Variants in RIC8B observed in about 807,000 individuals in gnomAD.
The protein encoded by RIC8B is chaperone Ric-8B.
Under a neutral mutation model 57.5 loss-of-function variants are expected in RIC8B, and 16 were observed. The ratio of observed to expected loss-of-function variants is 0.28; its 90% CI spans 0.19 to 0.42. The LOEUF (loss-of-function observed/expected upper bound fraction) is 0.42, where lower values mean the gene tolerates loss of function less well. RIC8B is among the 10% of genes least tolerant of loss of function. RIC8B has a pLI of 1.00. For missense variants in RIC8B, 481 were observed against 677.0 expected (o/e 0.71, Z 3.21); for synonymous variants, 216 against 250.8 (o/e 0.86, Z 1.31).
Position 106,886,640 on chromosome 12 carries a change from TAAAG to T in RIC8B, c.*627_*630del, listed in dbSNP as rs1486917788. On this transcript the variant is annotated 3_prime_UTR_variant, in exon 10 of 10. Coordinates refer to ENST00000392837, the MANE Select transcript of RIC8B (RefSeq NM_001330145.2). Reference sequence around the variant, plus strand: ...AAACTTCAGAATACATTTCTCCCTATAAAGAGTTATAAATGATGGTTTAGTTCTC... The same window carrying T: ...AAACTTCAGAATACATTTCTCCCTATAGTTATAAATGATGGTTTAGTTCTC... 6.6e-6 allele frequency: 1 copy of T among 152,662 alleles called. No individual in the cohort carries two copies. The highest frequency in any genetic ancestry group is 1.5e-5 in the Non-Finnish European group (1 of 68,068). The allele number at this position is 152,662 out of a possible 1,614,324, so 9.5% of individuals were successfully genotyped here.
intron 9 of RIC8B, among the ~76,000 whole-genome samples, chr12:106,872,610 G>A (rs1210231223): frequency 6.7e-6 from 1 of 149,314 alleles, no homozygotes; most frequent in Non-Finnish European, 1.5e-5. Context: ...GGAGGTTGCG[G>A]TGAACCAAGG....
intron 1 of RIC8B, among the ~76,000 whole-genome samples, chr12:106,783,118 A>G (rs549131899): frequency 1.3e-5 from 2 of 152,304 alleles, no homozygotes; most frequent in South Asian, 4.1e-4. Context: ...AGTATTGCCA[A>G]TCATTGCAGA....
At chr12:106,866,199 T>C (rs1950135875) in intron 8 of RIC8B, among the ~76,000 whole-genome samples, 1 of 152,200 alleles carries the variant, frequency 6.6e-6, no homozygotes, top group Admixed American at 6.5e-5. Context: ...GGTCTGTTTT[T>C]GTTCATGTAG....
chr12:106,858,341 C>T lies in RIC8B; in HGVS notation c.1307-1927C>T, dbSNP rs115090576. On this transcript the variant is annotated intron_variant, in intron 7 of 9. Coordinates refer to ENST00000392837, the MANE Select transcript of RIC8B (RefSeq NM_001330145.2). The stretch of plus-strand genomic sequence containing the variant: ...TTAAAAATAAGCTTTATCAGTAATG[C>T]TTACAATGATAGCATCACCTACTAT... Among the ~76,000 whole-genome samples, 1,268 of 152,172 alleles carry T rather than the reference C, an allele frequency of 8.3e-3. 19 individuals carry two copies. Among genetic ancestry groups the T allele is most frequent in the African/African-American group, 0.029 (1,197 of 41,512 alleles).
chr12:106,831,955 C>A (rs1225135590), intron 4 of RIC8B, among the ~76,000 whole-genome samples: 1 of 152,170 alleles, frequency 6.6e-6, no homozygotes, highest in Non-Finnish European at 1.5e-5. Flanking sequence ...ATCTGCATGA[C>A]TTTGTATTCA....
rs913283889 is a variant in RIC8B, at chr12:106,888,157, A to G, written c.*2142A>G. Reference sequence around the variant, plus strand: ...GATGTGTTTAATGAAATGCCATCTTACCAGCTTTCTTTATGCAGAGTAAGT... The same window carrying G: ...GATGTGTTTAATGAAATGCCATCTTGCCAGCTTTCTTTATGCAGAGTAAGT... On this transcript the variant is annotated 3_prime_UTR_variant, in exon 10 of 10. Coordinates refer to ENST00000392837, the MANE Select transcript of RIC8B (RefSeq NM_001330145.2). 1 of 152,430 alleles carries G rather than the reference A, an allele frequency of 6.6e-6. No individual in the cohort carries two copies. The highest frequency in any genetic ancestry group is 1.5e-5 in the Non-Finnish European group (1 of 68,034). The allele number at this position is 152,430 out of a possible 1,614,324, so 9.4% of individuals were successfully genotyped here. A position where few individuals can be genotyped will look rare whatever the true frequency, so the allele number is the denominator to read the frequency against.
At chr12:106,863,640 T>C (rs1424793219) in intron 8 of RIC8B, among the ~76,000 whole-genome samples, 1 of 152,122 alleles carries the variant, frequency 6.6e-6, no homozygotes, top group Admixed American at 6.6e-5. Flanking sequence ...GCTGTGATGA[T>C]GTATTTATGT....
Position 106,774,711 on chromosome 12 carries a change from C to T in RIC8B, c.-35C>T, listed in dbSNP as rs1467228659. The T allele has an allele frequency of 1.6e-5, 25 of 1,519,094 alleles. No individual in the cohort carries two copies. The highest frequency in any genetic ancestry group is 2.0e-5 in the Non-Finnish European group (23 of 1,126,448). 94.1% of individuals were successfully genotyped at this position (1,519,094 alleles called of 1,614,324 possible). A position where few individuals can be genotyped will look rare whatever the true frequency, so the allele number is the denominator to read the frequency against. ...TTACCTGGAGGCAGCGGCTTGGGCG[C>T]GCAGAGCGGCCGCGGCTCCCCCGCA... On this transcript the variant is annotated 5_prime_UTR_variant, in exon 1 of 10. Coordinates refer to ENST00000392837, the MANE Select transcript of RIC8B (RefSeq NM_001330145.2).
chr12:106,793,019 G>A (rs749676529), intron 2 of RIC8B, among the ~76,000 whole-genome samples: 2 of 152,154 alleles, frequency 1.3e-5, no homozygotes, highest in African/African-American at 2.4e-5. Flanking sequence ...ACCTGTTGCT[G>A]AAACTAAATT....
intron 9 of RIC8B, among the ~76,000 whole-genome samples, chr12:106,883,118 G>A (rs1374086259): frequency 6.6e-6 from 1 of 152,018 alleles, no homozygotes; most frequent in Admixed American, 6.6e-5. Flanking sequence ...TTTAGTCTCA[G>A]GAGTGATGGT....
chr12:106,825,472 G>A (rs912827686), intron 3 of RIC8B, among the ~76,000 whole-genome samples: 1 of 152,180 alleles, frequency 6.6e-6, no homozygotes, highest in Non-Finnish European at 1.5e-5. Flanking sequence ...ATGAAAAAAA[G>A]TCTCTAGCGG....
At chr12:106,787,263 A>G (rs1240396072) in intron 2 of RIC8B, among the ~76,000 whole-genome samples, 1 of 152,184 alleles carries the variant, frequency 6.6e-6, no homozygotes, top group Non-Finnish European at 1.5e-5. Flanking sequence ...GGAAAACATC[A>G]ACAAACAAAT....
In RIC8B at chr12:106,879,799, C is replaced by G. The variant is rs181826219; in HGVS notation, c.1572-6105C>G. On this transcript the variant is annotated intron_variant, in intron 9 of 9. Coordinates refer to ENST00000392837, the MANE Select transcript of RIC8B (RefSeq NM_001330145.2). This position sits in a 1 kb window ranked among gnomAD's most constrained non-coding sequence, Gnocchi z 4.9. ...GTTGAACATTCTTGGAGGCTTATCT[C>G]TTCCCTGGCCAGATGCCTGATCAGA... The G allele has an allele frequency of 1.0e-6, 1 of 985,272 alleles. No individual in the cohort carries two copies. The highest frequency in any genetic ancestry group is 1.2e-6 in the Non-Finnish European group (1 of 829,926). 61.0% of individuals were successfully genotyped at this position (985,272 alleles called of 1,614,324 possible). A position where few individuals can be genotyped will look rare whatever the true frequency, so the allele number is the denominator to read the frequency against.
At chr12:106,868,505 G>T (rs996375408) in intron 8 of RIC8B, 4 of 337,396 alleles carry the variant, frequency 1.2e-5, no homozygotes, top group South Asian at 9.7e-5. Flanking sequence ...AGAGAAACCA[G>T]TGAAAAGAGA....
chr12:106,840,258 C>A (rs1470681576), intron 4 of RIC8B, among the ~76,000 whole-genome samples: 2 of 152,148 alleles, frequency 1.3e-5, no homozygotes, highest in Admixed American at 6.5e-5. Context: ...TGCCTTTCCT[C>A]TCCCACAACT....
chr12:106,800,595 G>A (rs2044688919), intron 2 of RIC8B, among the ~76,000 whole-genome samples: 1 of 152,138 alleles, frequency 6.6e-6, no homozygotes, highest in African/African-American at 2.4e-5. Flanking sequence ...GTGGGTTAGA[G>A]CTTTAACATA....
intron 7 of RIC8B, among the ~76,000 whole-genome samples, chr12:106,853,451 G>GTTTT (rs1949563485): frequency 9.6e-5 from 5 of 51,844 alleles, no homozygotes; most frequent in African/African-American, 3.3e-4. Context: ...CTGCTTTATA[G>GTTTT]TCTTTTTTTT....
At chr12:106,832,993 C>G (rs2046422795) in intron 4 of RIC8B, among the ~76,000 whole-genome samples, 1 of 151,978 alleles carries the variant, frequency 6.6e-6, no homozygotes, top group Non-Finnish European at 1.5e-5. Context: ...GAGATCTATC[C>G]CTTTTGTGAG....
intron 3 of RIC8B, among the ~76,000 whole-genome samples, chr12:106,819,345 T>A (rs2136303296): frequency 6.6e-6 from 1 of 152,306 alleles, no homozygotes; most frequent in East Asian, 1.9e-4. Flanking sequence ...GTAATTAAGA[T>A]TTAACTTGGG....
Sources: allele counts gnomAD v4.1 joint callset (sites outside exome capture counted in the v4.1 genomes callset), GRCh38; gene constraint gnomAD v4.1.1; non-coding constraint Gnocchi (gnomAD v3.1); transcripts MANE v1.5; gene names NCBI Gene and HGNC (gene_info 2026-07-23, HGNC 2026-07-21).